Variants in PCDH7 observed in about 807,000 individuals in gnomAD.
PCDH7 encodes protocadherin 7, also known as protocadherin-7.
In PCDH7, 17 loss-of-function variants were observed where a neutral mutation model predicts 58.9. That is an observed-to-expected ratio of 0.29 (90% confidence interval 0.20 to 0.43). The LOEUF is 0.43. PCDH7 is among the 20% of genes least tolerant of loss of function. PCDH7 has a pLI of 1.00. For synonymous variants in PCDH7, 664 were observed against 616.4 expected (o/e 1.08, Z -1.14); for missense variants, 1,274 against 1,441.0 (o/e 0.88, Z 1.88).
intron 1 of PCDH7, among the ~76,000 whole-genome samples, chr4:30,892,683 T>C (rs1738779071): frequency 6.6e-6 from 1 of 152,072 alleles, no homozygotes; most frequent in African/African-American, 2.4e-5. Flanking sequence ...AAATTAAGAA[T>C]CTTTTTTGTG....
intron 1 of PCDH7, among the ~76,000 whole-genome samples, chr4:30,738,787 T>C (rs1716659069): frequency 1.3e-5 from 2 of 152,100 alleles, no homozygotes. Context: ...AGGGAGTCAG[T>C]TGAAACAGAA....
At chr4:30,952,740 TG>T (rs1268807963) in intron 3 of PCDH7, among the ~76,000 whole-genome samples, 1 of 152,148 alleles carries the variant, frequency 6.6e-6, no homozygotes, top group Non-Finnish European at 1.5e-5. Flanking sequence ...TTGTGTACAC[TG>T]TATGTTTTTA....
intron 1 of PCDH7, among the ~76,000 whole-genome samples, chr4:30,796,043 G>T (rs1247283679): frequency 6.6e-6 from 1 of 151,992 alleles, no homozygotes; most frequent in Non-Finnish European, 1.5e-5. Context: ...TTGAATATTT[G>T]GAATTATATT....
At chr4:30,857,794 T>C (rs539936889) in intron 1 of PCDH7, among the ~76,000 whole-genome samples, 3 of 152,166 alleles carry the variant, frequency 2.0e-5, no homozygotes, top group Non-Finnish European at 4.4e-5. Flanking sequence ...ATTAGCCTTT[T>C]TTGTTCTGGA....
chr4:30,890,719 A>G (rs558892200), intron 1 of PCDH7, among the ~76,000 whole-genome samples: 1 of 152,250 alleles, frequency 6.6e-6, no homozygotes, highest in African/African-American at 2.4e-5. Context: ...AATGCATAAG[A>G]TATTTATGGA....
In PCDH7 at chr4:30,902,302, A is replaced by T. The variant is rs1246786012; in HGVS notation, c.71-17851A>T. On this transcript the variant is annotated intron_variant, in intron 1 of 3. Transcript: ENST00000509759. The stretch of plus-strand genomic sequence containing the variant: ...CAGCCCTGTATCTCTGTGTTTTTTT[A>T]CTTCAGCGTTCTTTGTCAAACTGAG... 4.6e-5 allele frequency among the ~76,000 whole-genome samples: 7 copies of T among 151,998 alleles called. No homozygotes were observed. The East Asian group carries it at 1.4e-3, about 29-fold the overall frequency.
At chr4:30,948,765 T>C (rs1747015866) in intron 2 of PCDH7, among the ~76,000 whole-genome samples, 1 of 152,116 alleles carries the variant, frequency 6.6e-6, no homozygotes, top group African/African-American at 2.4e-5. Context: ...TCCAAATTTC[T>C]CAACTCAAGG....
At chr4:30,991,928 C>T (rs746582103) in intron 3 of PCDH7, among the ~76,000 whole-genome samples, 1 of 152,096 alleles carries the variant, frequency 6.6e-6, no homozygotes, top group Non-Finnish European at 1.5e-5. Context: ...AGACTTCATG[C>T]AATTATTTGG....
At chr4:31,005,954 C>A (rs556179800) in intron 3 of PCDH7, among the ~76,000 whole-genome samples, 1 of 152,304 alleles carries the variant, frequency 6.6e-6, no homozygotes, top group South Asian at 2.1e-4. Flanking sequence ...AGCACTGTGA[C>A]TTTGGACAAG....
At chr4:30,895,526 G>C (rs1204976475) in intron 1 of PCDH7, among the ~76,000 whole-genome samples, 1 of 152,268 alleles carries the variant, frequency 6.6e-6, no homozygotes, top group East Asian at 1.9e-4. Flanking sequence ...CTCTCATCAT[G>C]AATGTTATTT....
intron 1 of PCDH7, among the ~76,000 whole-genome samples, chr4:30,893,747 C>T (rs932921892): frequency 2.6e-5 from 4 of 152,046 alleles, no homozygotes; most frequent in African/African-American, 9.7e-5. Flanking sequence ...GCAACAAAAT[C>T]TATTATTTAC....
chr4:31,134,826 T>C (rs1214674591), intron 3 of PCDH7, among the ~76,000 whole-genome samples: 1 of 152,162 alleles, frequency 6.6e-6, no homozygotes, highest in African/African-American at 2.4e-5. Flanking sequence ...GGCTAGACCA[T>C]GCTTTCTCTC....
intron 1 of PCDH7, among the ~76,000 whole-genome samples, chr4:30,798,364 T>G (rs978180649): frequency 6.6e-6 from 1 of 152,182 alleles, no homozygotes; most frequent in African/African-American, 2.4e-5. Flanking sequence ...GAGACGTATC[T>G]CCATTAGACT....
At chr4:30,834,486 G>A (rs1730220973) in intron 1 of PCDH7, among the ~76,000 whole-genome samples, 2 of 152,104 alleles carry the variant, frequency 1.3e-5, no homozygotes, top group Non-Finnish European at 1.5e-5. Flanking sequence ...GAGGTGCTTT[G>A]AACCACTTCA....
intron 3 of PCDH7, among the ~76,000 whole-genome samples, chr4:30,968,926 C>T (rs1171666032): frequency 6.6e-6 from 1 of 152,172 alleles, no homozygotes; most frequent in Non-Finnish European, 1.5e-5. Context: ...CTCATTCATA[C>T]ATTAACCTCC....
intron 3 of PCDH7, among the ~76,000 whole-genome samples, chr4:31,020,672 T>C (rs962079054): frequency 3.3e-5 from 5 of 152,228 alleles, no homozygotes; most frequent in African/African-American, 1.2e-4. Context: ...ACACTTTGTC[T>C]TCTATAAAGT....
At position 31,142,460 on chromosome 4, in the gene PCDH7, C is replaced by T; in HGVS notation, c.*8-13C>T. 1 of 1,363,370 alleles carries T rather than the reference C, an allele frequency of 7.3e-7. No individual in the cohort carries two copies. Among genetic ancestry groups the T allele is most frequent in the Non-Finnish European group, 9.8e-7 (1 of 1,019,716 alleles). 84.5% of individuals were successfully genotyped at this position (1,363,370 alleles called of 1,614,324 possible). A position where few individuals can be genotyped will look rare whatever the true frequency, so the allele number is the denominator to read the frequency against. On this transcript the variant is annotated splice_polypyrimidine_tract_variant and intron_variant, in intron 3 of 3. Transcript: ENST00000509759. ...GTGTCAAATACTAATGGCTTATTCT[C>T]CTTGGATTTCAGATTCAAGGCCTCT...
At chr4:31,060,926 T>G (rs1312353584) in intron 3 of PCDH7, among the ~76,000 whole-genome samples, 1 of 151,726 alleles carries the variant, frequency 6.6e-6, no homozygotes, top group African/African-American at 2.4e-5. Flanking sequence ...TTAGGGAAAG[T>G]TTTCATTATT....
intron 1 of PCDH7, among the ~76,000 whole-genome samples, chr4:30,874,496 C>T (rs1396675224): frequency 1.4e-5 from 2 of 143,894 alleles, no homozygotes; most frequent in African/African-American, 2.6e-5. Flanking sequence ...ACAATGAGAA[C>T]ACATGGACAC....
Sources: gnomAD v4.1 joint callset for allele counts (sites outside exome capture counted in the v4.1 genomes callset) on GRCh38, gnomAD v4.1.1 for gene constraint, MANE v1.5 for transcripts, NCBI Gene and HGNC (gene_info 2026-07-23, HGNC 2026-07-21) for gene names.